Variants in LINGO2 observed in about 807,000 individuals in gnomAD.
LINGO2 encodes the protein leucine rich repeat and Ig domain containing 2.
In LINGO2, 14 loss-of-function variants were observed where a neutral mutation model predicts 30.6. The ratio of observed to expected loss-of-function variants is 0.46; its 90% CI spans 0.30 to 0.72. The LOEUF is 0.72. Among genes scored for constraint, LINGO2 ranks in the 30% least tolerant of loss-of-function variants. The probability of loss-of-function intolerance (pLI) is 0.07; values close to 1 mark genes in which losing one functional copy is unlikely to be tolerated. For synonymous variants in LINGO2, 317 were observed against 288.5 expected (o/e 1.10, Z -1.00); for missense variants, 729 against 751.7 (o/e 0.97, Z 0.35).
intron 1 of LINGO2, among the ~76,000 whole-genome samples, chr9:28,574,517 T>C (rs1001723604): frequency 3.3e-5 from 5 of 152,176 alleles, no homozygotes; most frequent in African/African-American, 1.2e-4. Flanking sequence ...GCTCTTTATG[T>C]TTTTAGTACA....
At chr9:28,303,166 A>C (rs1181546968) in intron 3 of LINGO2, among the ~76,000 whole-genome samples, 1 of 152,186 alleles carries the variant, frequency 6.6e-6, no homozygotes, top group African/African-American at 2.4e-5. Context: ...AAAATACAAG[A>C]GAGACAATGT....
the LINGO2 span, among the ~76,000 whole-genome samples, chr9:28,772,995 A>C: frequency 6.6e-6 from 1 of 152,130 alleles, no homozygotes; most frequent in African/African-American, 2.4e-5. Context: ...ATGGAGTGAG[A>C]AAATGTCATG....
intron 5 of LINGO2, among the ~76,000 whole-genome samples, chr9:27,974,943 G>C (rs1392431623): frequency 5.9e-5 from 9 of 152,070 alleles, no homozygotes; most frequent in Admixed American, 1.3e-4. Context: ...AAGACAGGCA[G>C]GTTAGAAGCA....
the LINGO2 span, among the ~76,000 whole-genome samples, chr9:29,050,039 T>C: frequency 5.7e-4 from 87 of 152,312 alleles, no homozygotes; most frequent in African/African-American, 2.0e-3. Context: ...TTACATTTTT[T>C]TTTTTTGAGA....
intron 3 of LINGO2, among the ~76,000 whole-genome samples, chr9:28,366,229 T>C (rs914501616): frequency 6.6e-6 from 1 of 152,192 alleles, no homozygotes; most frequent in Non-Finnish European, 1.5e-5. Context: ...ATCCATTCTA[T>C]AGAAATGAAG....
chr9:28,004,859 T>C lies in LINGO2; in HGVS notation c.-36+7496A>G, dbSNP rs563230441. Among the ~76,000 whole-genome samples, 6 of 152,304 alleles carry C rather than the reference T, an allele frequency of 3.9e-5. No individual in the cohort carries two copies. In the East Asian group the frequency reaches 1.2e-3, roughly 29 times the overall value. ...GAGAATGCGGCAGGGATCTCTGTTTTGGTAGCAGGTATGTATATAAGAGGA... is the reference window on the plus strand; with the variant it reads ...GAGAATGCGGCAGGGATCTCTGTTTCGGTAGCAGGTATGTATATAAGAGGA... On this transcript the variant is annotated intron_variant, in intron 5 of 5. Transcript: ENST00000379992.
the LINGO2 span, among the ~76,000 whole-genome samples, chr9:29,037,953 A>G: frequency 2.0e-5 from 3 of 152,028 alleles, no homozygotes; most frequent in Admixed American, 6.6e-5. Context: ...TAAAAAGCTA[A>G]TCCATGCTTT....
intron 1 of LINGO2, among the ~76,000 whole-genome samples, chr9:28,477,172 C>T (rs1244708262): frequency 6.6e-6 from 1 of 152,148 alleles, no homozygotes; most frequent in East Asian, 1.9e-4. Context: ...TTCATGTTTA[C>T]ATATCAGATT....
chr9:29,037,544 C>T, the LINGO2 span, among the ~76,000 whole-genome samples: 9 of 151,884 alleles, frequency 5.9e-5, no homozygotes, highest in Non-Finnish European at 1.3e-4. Context: ...TCATATACTG[C>T]GTAATATCAT....
At chr9:28,830,892 G>A in the LINGO2 span, among the ~76,000 whole-genome samples, 6 of 151,418 alleles carry the variant, frequency 4.0e-5, no homozygotes, top group Middle Eastern at 3.4e-3. Flanking sequence ...GCGCACGCAC[G>A]CACACACACA....
intron 4 of LINGO2, among the ~76,000 whole-genome samples, chr9:28,278,084 C>T (rs1823191900): frequency 1.3e-5 from 2 of 152,084 alleles, no homozygotes; most frequent in Non-Finnish European, 2.9e-5. Flanking sequence ...AAGATCAAAC[C>T]AGACACAAGA....
chr9:28,014,557 TCC>T (rs1822726978), intron 4 of LINGO2, among the ~76,000 whole-genome samples: 1 of 78,808 alleles, frequency 1.3e-5, no homozygotes, highest in Admixed American at 1.0e-4. Flanking sequence ...TACTTTTTTA[TCC>T]AGGATAAGAC....
At chr9:28,518,668 A>G (rs551598948) in intron 1 of LINGO2, among the ~76,000 whole-genome samples, 56 of 152,198 alleles carry the variant, frequency 3.7e-4, no homozygotes, top group Non-Finnish European at 7.3e-4. Flanking sequence ...GCTCCTCCAT[A>G]TAATTTAATT....
chr9:29,146,409 A>G, the LINGO2 span, among the ~76,000 whole-genome samples: 1 of 152,104 alleles, frequency 6.6e-6, no homozygotes, highest in Non-Finnish European at 1.5e-5. Context: ...GTGGGCCTTA[A>G]TAATTACCAC....
chr9:28,264,247 C>T (rs1822666978), intron 4 of LINGO2, among the ~76,000 whole-genome samples: 1 of 151,902 alleles, frequency 6.6e-6, no homozygotes, highest in Admixed American at 6.6e-5. Flanking sequence ...TTAAACAGAA[C>T]TGCCAAATAG....
At chr9:28,449,322 A>G (rs1320548912) in intron 2 of LINGO2, among the ~76,000 whole-genome samples, 2 of 152,068 alleles carry the variant, frequency 1.3e-5, no homozygotes, top group Non-Finnish European at 2.9e-5. Context: ...TACTTCTTGC[A>G]TATTCTGCCA....
intron 4 of LINGO2, among the ~76,000 whole-genome samples, chr9:28,093,039 GC>G (rs949490287): frequency 6.6e-6 from 1 of 152,028 alleles, no homozygotes; most frequent in African/African-American, 2.4e-5. Flanking sequence ...CACAGACTTA[GC>G]AAGTTGAACA....
At chr9:27,969,243 T>A in intron 5 of LINGO2, among the ~76,000 whole-genome samples, 1 of 152,196 alleles carries the variant, frequency 6.6e-6, no homozygotes, top group African/African-American at 2.4e-5. Context: ...AGGCTTTAAC[T>A]TAGCCACTTC....
intron 3 of LINGO2, among the ~76,000 whole-genome samples, chr9:28,342,700 C>T (rs1819393956): frequency 6.6e-6 from 1 of 152,058 alleles, no homozygotes; most frequent in Non-Finnish European, 1.5e-5. Flanking sequence ...CTGAAACTAA[C>T]TTCTCCTAGA....
Sources: gnomAD v4.1 joint callset for allele counts (sites outside exome capture counted in the v4.1 genomes callset) on GRCh38, gnomAD v4.1.1 for gene constraint, MANE v1.5 for transcripts, NCBI Gene and HGNC (gene_info 2026-07-23, HGNC 2026-07-21) for gene names.